MRC1: variants seen among roughly 807,000 people sequenced by gnomAD.
MRC1 encodes mannose receptor C-type 1.
Under a neutral mutation model 102.9 loss-of-function variants are expected in MRC1, and 62 were observed. That is an observed-to-expected ratio of 0.60 (90% CI 0.49 to 0.74). The LOEUF (loss-of-function observed/expected upper bound fraction) is 0.74. Ranked by LOEUF, MRC1 falls within the 30% of genes least tolerant of loss-of-function variation. The pLI, the probability that MRC1 is intolerant of heterozygous loss-of-function variation, is 0.00. For missense variants in MRC1, 1,237 were observed against 862.8 expected (o/e 1.43, Z -5.43); for synonymous variants, 457 against 298.4 (o/e 1.53, Z -5.48).
chr10:17,907,677 T>C lies in MRC1; in HGVS notation c.4057T>C (p.Tyr1353His). ...SNIHCSSYKG[Y>H]ICKRPKIIDA... ...TATTCACTGTTCATCCTACAAAGGA[T>C]ATATTTGTAAAAGACCAAAAAGTAA... Residue 1353 changes from tyrosine (Y) to histidine (H), a missense_variant, in exon 28 of 30, where the codon TAT (tyrosine) becomes CAT (histidine). By Grantham distance (83) the Tyr-to-His change is moderately conservative. Coordinates refer to ENST00000569591, the MANE Select transcript of MRC1 (RefSeq NM_002438.4). The C allele has an allele frequency of 2.6e-6, 2 of 780,850 alleles. No individual in the cohort carries two copies. Among genetic ancestry groups the C allele is most frequent in the South Asian group, 2.7e-5 (2 of 74,612 alleles). The allele number at this position is 780,850 out of a possible 1,614,324, so 48.4% of individuals were successfully genotyped here.
intron 24 of MRC1, among the ~76,000 whole-genome samples, chr10:17,898,879 A>C (rs2130715117): frequency 6.6e-6 from 1 of 152,284 alleles, no homozygotes; most frequent in Middle Eastern, 3.4e-3. Flanking sequence ...TCCTCCCTCT[A>C]TTCATCCTTC....
chr10:17,879,477 C>T (rs1194072160), intron 18 of MRC1, among the ~76,000 whole-genome samples: 1 of 152,194 alleles, frequency 6.6e-6, no homozygotes, highest in Non-Finnish European at 1.5e-5. Flanking sequence ...CCTCAGCCTC[C>T]TGAGTGGCTG....
chr10:17,812,935 G>T (rs533245349), intron 1 of MRC1, among the ~76,000 whole-genome samples: 265 of 152,176 alleles, frequency 1.7e-3, no homozygotes, highest in African/African-American at 5.8e-3. Context: ...TCTAGGCTCT[G>T]GGAAGGCGCT....
intron 28 of MRC1, among the ~76,000 whole-genome samples, chr10:17,908,343 C>T (rs959390092): frequency 3.3e-5 from 5 of 152,240 alleles, no homozygotes; most frequent in African/African-American, 7.2e-5. Flanking sequence ...GGTGCGATCT[C>T]GGCTCACTGC....
At chr10:17,853,561 GAT>G (rs1168114504) in intron 8 of MRC1, among the ~76,000 whole-genome samples, 1 of 144,782 alleles carries the variant, frequency 6.9e-6, no homozygotes, top group African/African-American at 2.6e-5. Flanking sequence ...TGTAAAAAGA[GAT>G]ATATATGTAT....
At chr10:17,833,310 C>T (rs1207031474) in intron 3 of MRC1, among the ~76,000 whole-genome samples, 1 of 152,004 alleles carries the variant, frequency 6.6e-6, no homozygotes, top group African/African-American at 2.4e-5. Flanking sequence ...GGCTTGAGAA[C>T]AGGAGTTTTA....
intron 1 of MRC1, among the ~76,000 whole-genome samples, chr10:17,816,634 G>C (rs1179316263): frequency 6.6e-6 from 1 of 152,302 alleles, no homozygotes; most frequent in Middle Eastern, 3.4e-3. Flanking sequence ...GCGTGGTGCT[G>C]GCGTTTGGGA....
In MRC1 at chr10:17,888,836, G is replaced by C. The variant is rs1320060232; in HGVS notation, c.3147+3401G>C. ...GTTCTTACTGATTTTTTGCCTGCTG[G>C]ATCTGTCTATTTTTGATAGAAGAGT... On this transcript the variant is annotated intron_variant, in intron 22 of 29. Coordinates refer to ENST00000569591, the MANE Select transcript of MRC1 (RefSeq NM_002438.4). Among the ~76,000 whole-genome samples, 5 of 152,104 alleles carry C rather than the reference G, an allele frequency of 3.3e-5. No homozygotes were observed. In the South Asian group the frequency reaches 8.3e-4, roughly 25 times the overall value.
intron 17 of MRC1, among the ~76,000 whole-genome samples, chr10:17,875,674 A>G (rs1273812771): frequency 3.3e-5 from 5 of 152,202 alleles, no homozygotes; most frequent in African/African-American, 1.2e-4. Flanking sequence ...GCTGATGGGC[A>G]TTTAGGCTGG....
At chr10:17,881,698 A>G (rs900812960) in intron 21 of MRC1, among the ~76,000 whole-genome samples, 2 of 92,750 alleles carry the variant, frequency 2.2e-5, no homozygotes, top group Non-Finnish European at 4.2e-5. Flanking sequence ...TTTTTTGGTA[A>G]CAAGGTCTTA....
intron 9 of MRC1, among the ~76,000 whole-genome samples, chr10:17,856,688 A>G (rs918609080): frequency 6.6e-6 from 1 of 152,166 alleles, no homozygotes; most frequent in Non-Finnish European, 1.5e-5. Context: ...TCCACCTTCT[A>G]TAGTAGAAGG....
At chr10:17,898,376 TA>T (rs1833783787) in intron 24 of MRC1, 110 bp downstream of exon 24, 1 of 768,780 alleles carries the variant, frequency 1.3e-6, no homozygotes. Context: ...GAGACTGTGC[TA>T]GGCAATGTGA....
At position 17,827,704 on chromosome 10, in the gene MRC1, G is replaced by A; in HGVS notation, c.626G>A (p.Cys209Tyr). 2.6e-6 allele frequency: 2 copies of A among 780,866 alleles called. No homozygotes were observed. The highest frequency in any genetic ancestry group is 3.4e-5 in the African/African-American group (2 of 59,248). 48.4% of individuals were successfully genotyped at this position (780,866 alleles called of 1,614,324 possible). ...DYDTDKLFGY[C>Y]PLKFEGSESL... The stretch of plus-strand genomic sequence containing the variant: ...GACACAGACAAGCTATTTGGATATT[G>A]TCCATTGAAATGTAAGTACTGTTTA... Residue 209 changes from cysteine (C) to tyrosine (Y), a missense_variant, in exon 3 of 30, where the codon TGT becomes TAT. By Grantham distance (194) the Cys-to-Tyr change is radical. Coordinates refer to ENST00000569591, the MANE Select transcript of MRC1 (RefSeq NM_002438.4).
intron 9 of MRC1, among the ~76,000 whole-genome samples, chr10:17,859,792 T>G (rs935777984): frequency 6.6e-6 from 1 of 152,180 alleles, no homozygotes; most frequent in Admixed American, 6.5e-5. Flanking sequence ...ACTTTAATTT[T>G]TTGGCTGTGG....
At chr10:17,850,283 G>A (rs1838894563) in intron 7 of MRC1, among the ~76,000 whole-genome samples, 1 of 117,714 alleles carries the variant, frequency 8.5e-6, no homozygotes, top group African/African-American at 3.2e-5. Flanking sequence ...ATGGTTAGAT[G>A]TCAGCCTAAA....
chr10:17,833,624 G>C, intron 3 of MRC1, 51 bp from the exon 4 acceptor site: 1 of 780,868 alleles, frequency 1.3e-6, no homozygotes, highest in South Asian at 1.3e-5. Flanking sequence ...CTATTCACTG[G>C]AAGTGTTTTC....
At chr10:17,876,575 G>A (rs1833440790) in intron 17 of MRC1, among the ~76,000 whole-genome samples, 1 of 152,098 alleles carries the variant, frequency 6.6e-6, no homozygotes, top group East Asian at 1.9e-4. Flanking sequence ...CTTGGATTTT[G>A]TGAAGATCAG....
intron 9 of MRC1, 68 bp from the exon 10 acceptor site, chr10:17,861,319 A>G (rs1463223768): frequency 4.2e-6 from 3 of 711,736 alleles, no homozygotes; most frequent in Admixed American, 4.3e-5. Context: ...ATCTCAAATA[A>G]TAATAATATT....
chr10:17,825,834 G>A (rs925517554), intron 2 of MRC1, among the ~76,000 whole-genome samples: 16 of 152,176 alleles, frequency 1.1e-4, no homozygotes, highest in African/African-American at 3.9e-4. Context: ...ACCCCAAGGT[G>A]GTCTTGACTG....
Sources: gnomAD v4.1 joint callset for allele counts (sites outside exome capture counted in the v4.1 genomes callset) on GRCh38, gnomAD v4.1.1 for gene constraint, MANE v1.5 for transcripts, NCBI Gene and HGNC (gene_info 2026-07-23, HGNC 2026-07-21) for gene names.